Variants in PDE4D observed in about 807,000 individuals in gnomAD.
PDE4D encodes 3',5'-cyclic-AMP phosphodiesterase 4D.
In PDE4D, 24 loss-of-function variants were observed where a neutral mutation model predicts 87.4. That is an observed-to-expected ratio of 0.27 (90% CI 0.20 to 0.39). The LOEUF (loss-of-function observed/expected upper bound fraction) is 0.39, where lower values mean the gene tolerates loss of function less well. Among genes scored for constraint, PDE4D ranks in the 10% least tolerant of loss-of-function variants. The pLI, the probability that PDE4D is intolerant of heterozygous loss-of-function variation, is 1.00. For synonymous variants in PDE4D, 384 were observed against 383.2 expected (o/e 1.00, Z -0.02); for missense variants, 714 against 1,041.0 (o/e 0.69, Z 4.32).
chr5:60,173,417 A>G (rs1415890500), intron 2 of PDE4D, among the ~76,000 whole-genome samples: 4 of 152,150 alleles, frequency 2.6e-5, no homozygotes, highest in African/African-American at 9.6e-5. Context: ...TGTTATTCTT[A>G]TTAGTCACAT....
chr5:59,854,048 TG>T (rs1047584450), intron 1 of PDE4D, among the ~76,000 whole-genome samples: 16 of 152,036 alleles, frequency 1.1e-4, no homozygotes, highest in Non-Finnish European at 2.1e-4. Context: ...GTATAATTAT[TG>T]GGTGAAAAAT....
intron 1 of PDE4D, among the ~76,000 whole-genome samples, chr5:59,348,724 T>C (rs1341501513): frequency 2.0e-5 from 3 of 151,342 alleles, no homozygotes; most frequent in Non-Finnish European, 2.9e-5. Context: ...ATATTTACTC[T>C]ATTCACAATC....
intron 1 of PDE4D, among the ~76,000 whole-genome samples, chr5:60,514,110 A>G (rs1043981424): frequency 6.6e-6 from 1 of 151,892 alleles, no homozygotes; most frequent in African/African-American, 2.4e-5. Flanking sequence ...CTGATAAAGG[A>G]GGAAATAACA....
chr5:59,724,551 T>G (rs919737529), intron 1 of PDE4D, among the ~76,000 whole-genome samples: 1 of 152,040 alleles, frequency 6.6e-6, no homozygotes, highest in Admixed American at 6.6e-5. Context: ...AGAAAATACA[T>G]GTTTTTGTTT....
chr5:60,277,571 CA>C (rs372897438), intron 1 of PDE4D, among the ~76,000 whole-genome samples: 2 of 150,884 alleles, frequency 1.3e-5, no homozygotes, highest in East Asian at 1.9e-4. Flanking sequence ...GGCTGGAGTT[CA>C]TAATATTACA....
intron 1 of PDE4D, among the ~76,000 whole-genome samples, chr5:60,435,978 A>C (rs1287849012): frequency 1.3e-5 from 2 of 152,074 alleles, no homozygotes; most frequent in African/African-American, 2.4e-5. Flanking sequence ...GAAGCCTACC[A>C]AGGCTAGTAG....
At chr5:60,247,854 C>T (rs1255752791) in intron 1 of PDE4D, among the ~76,000 whole-genome samples, 2 of 152,038 alleles carry the variant, frequency 1.3e-5, no homozygotes, top group African/African-American at 4.8e-5. Context: ...TTCAATACAA[C>T]TTGTCTAAGT....
chr5:59,413,457 CAAAAAAAAAAAAAAA>C (rs34074485), intron 1 of PDE4D, among the ~76,000 whole-genome samples: 2 of 54,410 alleles, frequency 3.7e-5, no homozygotes, highest in Admixed American at 4.4e-4. Flanking sequence ...GACTCCATCT[CAAAAAAAAAAAAAAA>C]AAAAAAAAAG....
intron 1 of PDE4D, among the ~76,000 whole-genome samples, chr5:60,253,739 C>T (rs1465841777): frequency 6.6e-6 from 1 of 151,912 alleles, no homozygotes; most frequent in African/African-American, 2.4e-5. Context: ...CTCATGTCTA[C>T]AATGAGTACT....
intron 1 of PDE4D, among the ~76,000 whole-genome samples, chr5:60,251,633 T>A (rs1562259797): frequency 6.6e-6 from 1 of 151,948 alleles, no homozygotes; most frequent in Non-Finnish European, 1.5e-5. Context: ...TTAGGTTGAT[T>A]CCATATCTTT....
intron 5 of PDE4D, 37 bp downstream of exon 5, chr5:59,180,558 C>A: frequency 6.3e-7 from 1 of 1,577,962 alleles, no homozygotes; most frequent in Non-Finnish European, 8.7e-7. Flanking sequence ...TGGTTTCTTC[C>A]TAGACACATG....
At chr5:60,243,988 C>A (rs568836128) in intron 1 of PDE4D, among the ~76,000 whole-genome samples, 1 of 151,636 alleles carries the variant, frequency 6.6e-6, no homozygotes, top group Non-Finnish European at 1.5e-5. Context: ...ACAGGGTATC[C>A]GAATTAGAAA....
At chr5:59,090,427 G>A (rs1326188293) in intron 5 of PDE4D, among the ~76,000 whole-genome samples, 1 of 152,118 alleles carries the variant, frequency 6.6e-6, no homozygotes, top group African/African-American at 2.4e-5. Context: ...GTTTCCTCCC[G>A]TGATATAGAG....
At chr5:59,085,602 T>C (rs772744777) in intron 5 of PDE4D, among the ~76,000 whole-genome samples, 1 of 152,170 alleles carries the variant, frequency 6.6e-6, no homozygotes, top group East Asian at 1.9e-4. Flanking sequence ...TGAATTCATA[T>C]AAACTATATC....
chr5:58,988,503 C>G lies in PDE4D; in HGVS notation c.1542G>C (p.Leu514=), dbSNP rs375617990. The change falls in exon 11 of 15, where the codon CTG becomes CTC. Residue 514 remains leucine (L), a synonymous_variant. Coordinates refer to ENST00000340635, the MANE Select transcript of PDE4D (RefSeq NM_001104631.2). ...VDHPGVSNQF[L]INTNSELALM... is the part of the protein sequence containing the mutation. ...ATAAAGTTTACTTACTTGTATTGAT[C>G]AGAAATTGATTGGACACACCAGGAT... 68 of 1,437,568 alleles carry G rather than the reference C, an allele frequency of 4.7e-5. No individual in the cohort carries two copies. Among genetic ancestry groups the G allele is most frequent in the Non-Finnish European group, 5.9e-5 (63 of 1,065,610 alleles). The allele number at this position is 1,437,568 out of a possible 1,614,324, so 89.1% of individuals were successfully genotyped here. A position where few individuals can be genotyped will look rare whatever the true frequency, so the allele number is the denominator to read the frequency against.
chr5:59,303,513 A>G (rs1188027399), intron 1 of PDE4D, among the ~76,000 whole-genome samples: 1 of 152,136 alleles, frequency 6.6e-6, no homozygotes, highest in Non-Finnish European at 1.5e-5. Context: ...CTAAAATTTC[A>G]TAGTTTCACG....
At chr5:59,669,443 C>G (rs1012638600) in intron 1 of PDE4D, among the ~76,000 whole-genome samples, 2 of 152,222 alleles carry the variant, frequency 1.3e-5, no homozygotes, top group East Asian at 3.9e-4. Context: ...TAAATAAATA[C>G]TCTAAATAAA....
At chr5:59,155,801 G>A (rs1475974353) in intron 5 of PDE4D, among the ~76,000 whole-genome samples, 3 of 152,116 alleles carry the variant, frequency 2.0e-5, no homozygotes, top group Admixed American at 6.6e-5. Context: ...AACGTCATCC[G>A]CTGAGACCAG....
chr5:60,425,244 G>C (rs1743585308), intron 1 of PDE4D, among the ~76,000 whole-genome samples: 1 of 152,182 alleles, frequency 6.6e-6, no homozygotes. Flanking sequence ...TAAGCCAACA[G>C]AAGAAAGCTG....
Sources: allele counts gnomAD v4.1 joint callset (sites outside exome capture counted in the v4.1 genomes callset), GRCh38; gene constraint gnomAD v4.1.1; transcripts MANE v1.5; gene names NCBI Gene and HGNC (gene_info 2026-07-23, HGNC 2026-07-21).